The following UBE2F variants were observed in gnomAD, a reference collection of about 807,000 sequenced individuals.
UBE2F encodes NEDD8-conjugating enzyme UBE2F.
In UBE2F, 5 loss-of-function variants were observed where a neutral mutation model predicts 29.6. The observed-to-expected ratio is 0.17, with a 90% confidence interval of 0.09 to 0.36. The LOEUF (loss-of-function observed/expected upper bound fraction) is 0.36. Among genes scored for constraint, UBE2F ranks in the 10% least tolerant of loss-of-function variants. The pLI is 1.00. For synonymous variants in UBE2F, 66 were observed against 81.8 expected, an observed-to-expected ratio of 0.81 and a Z score of 1.04; for missense variants, 141 against 228.5, an observed-to-expected ratio of 0.62 and a Z score of 2.47.
At chr2:238,014,279 A>C (rs763916352) in intron 4 of UBE2F, among the ~76,000 whole-genome samples, 1 of 152,244 alleles carries the variant, frequency 6.6e-6, no homozygotes, top group Non-Finnish European at 1.5e-5. Flanking sequence ...AAACTGTGCA[A>C]CTTCAAAGAG....
chr2:237,988,035 G>C, intron 3 of UBE2F, 43 bp downstream of exon 3: 1 of 1,272,872 alleles, frequency 7.9e-7, no homozygotes, highest in East Asian at 2.6e-5. Context: ...TGAAATAATT[G>C]CATGAAGAAA....
intron 4 of UBE2F, among the ~76,000 whole-genome samples, chr2:237,997,154 G>C (rs566878404): frequency 6.6e-6 from 1 of 152,146 alleles, no homozygotes; most frequent in Non-Finnish European, 1.5e-5. Context: ...TTGAACCCAG[G>C]GGGTGGAGGT....
rs2063404109 is a variant in UBE2F, at chr2:237,982,710, G to A, written c.119-5253G>A. On this transcript the variant is annotated intron_variant, in intron 2 of 9. Coordinates refer to ENST00000272930, the MANE Select transcript of UBE2F (RefSeq NM_080678.3). The surrounding 1 kb of genome is among the most constrained non-coding windows in gnomAD (Gnocchi z 4.1). Reference sequence around the variant, plus strand: ...AATAAAATGTTAGTATTTGCTTTAAGATCAAGTTTAATTATATAGGTAACC... The same window carrying A: ...AATAAAATGTTAGTATTTGCTTTAAAATCAAGTTTAATTATATAGGTAACC... Among the ~76,000 whole-genome samples the A allele has an allele frequency of 6.6e-6, 1 of 152,184 alleles. No individual in the cohort carries two copies. Among genetic ancestry groups the A allele is most frequent in the African/African-American group, 2.4e-5 (1 of 41,452 alleles).
chr2:237,967,383 G>A lies in UBE2F; in HGVS notation c.-17+251G>A, dbSNP rs1395726949. Among the ~76,000 whole-genome samples, 1 of 149,660 alleles carries A rather than the reference G, an allele frequency of 6.7e-6. No individual in the cohort carries two copies. ...CGTCGGCGGCCGGGGCGCTGGCCTC[G>A]CCCGGCAGTGAGTGACCGCGGCGGC... On this transcript the variant is annotated intron_variant, in intron 1 of 9. Coordinates refer to ENST00000272930, the MANE Select transcript of UBE2F (RefSeq NM_080678.3). The surrounding 1 kb of genome is among the most constrained non-coding windows in gnomAD (Gnocchi z 6.3).
chr2:238,007,973 A>G (rs1304918442), intron 4 of UBE2F, among the ~76,000 whole-genome samples: 2 of 151,824 alleles, frequency 1.3e-5, no homozygotes, highest in Non-Finnish European at 2.9e-5. Context: ...ATTTTTTTTT[A>G]GACAAGGTCT....
chr2:237,970,688 A>G (rs1449374343), intron 1 of UBE2F, among the ~76,000 whole-genome samples: 1 of 152,094 alleles, frequency 6.6e-6, no homozygotes, highest in African/African-American at 2.4e-5. Context: ...TATTCTATGT[A>G]TTGTTTTCGT....
chr2:237,974,977 A>T (rs1047404134), intron 2 of UBE2F, among the ~76,000 whole-genome samples: 2 of 143,252 alleles, frequency 1.4e-5, no homozygotes, highest in Non-Finnish European at 3.0e-5. Flanking sequence ...TCACCATGTT[A>T]GCCAGGCTAG....
chr2:238,000,970 T>A (rs2106361853), intron 4 of UBE2F, among the ~76,000 whole-genome samples: 1 of 152,252 alleles, frequency 6.6e-6, no homozygotes, highest in Admixed American at 6.5e-5. Flanking sequence ...CTTCAAATAT[T>A]TTGCCCATTT....
At chr2:238,033,072 A>G (rs1215742353) in intron 8 of UBE2F, among the ~76,000 whole-genome samples, 1 of 152,190 alleles carries the variant, frequency 6.6e-6, no homozygotes, top group Admixed American at 6.5e-5. Flanking sequence ...TGGCTACACT[A>G]GCCAGCCCAG....
intron 2 of UBE2F, 105 bp from the exon 3 acceptor site, chr2:237,987,852 CTTTTTT>C: frequency 1.9e-6 from 1 of 518,972 alleles, no homozygotes; most frequent in Non-Finnish European, 3.4e-6. Flanking sequence ...TCAGTTCATC[CTTTTTT>C]TTTTTTTTTT....
At chr2:237,990,458 A>C (rs144107584) in intron 3 of UBE2F, 1 of 447,042 alleles carries the variant, frequency 2.2e-6, no homozygotes, top group East Asian at 7.2e-5. Flanking sequence ...GTTGGAGTAC[A>C]GTGGCATGAG....
At chr2:238,035,827 A>G (rs377004943) in intron 8 of UBE2F, 51 bp from the exon 9 acceptor site, 21 of 1,472,680 alleles carry the variant, frequency 1.4e-5, no homozygotes, top group Non-Finnish European at 2.0e-5. Context: ...AGACTTTAAC[A>G]GCAGAAAAGC....
intron 1 of UBE2F, among the ~76,000 whole-genome samples, chr2:237,970,285 GGA>G: frequency 6.6e-6 from 1 of 152,196 alleles, no homozygotes; most frequent in Non-Finnish European, 1.5e-5. Flanking sequence ...TGAGGTGGGA[GGA>G]TCTCTTGAAC....
At chr2:237,969,164 C>G (rs2063121712) in intron 1 of UBE2F, among the ~76,000 whole-genome samples, 1 of 152,140 alleles carries the variant, frequency 6.6e-6, no homozygotes, top group African/African-American at 2.4e-5. Context: ...TTATATCTTG[C>G]AAGTCACAGA....
intron 4 of UBE2F, 70 bp downstream of exon 4, chr2:237,994,879 C>G (rs2063659922): frequency 8.5e-6 from 11 of 1,288,336 alleles, no homozygotes; most frequent in Non-Finnish European, 1.2e-5. Context: ...AACCTGTAAT[C>G]TTTGCTTTGG....
intron 4 of UBE2F, among the ~76,000 whole-genome samples, chr2:237,998,232 T>C (rs2063726548): frequency 6.6e-6 from 1 of 152,256 alleles, no homozygotes; most frequent in Non-Finnish European, 1.5e-5. Flanking sequence ...TATACACATA[T>C]GTAACCATAA....
In UBE2F at chr2:238,030,860, C is replaced by T. The variant is rs544123572; in HGVS notation, c.411+247C>T. 1.3e-5 allele frequency among the ~76,000 whole-genome samples: 2 copies of T among 152,202 alleles called. 1 individual carries two copies. The highest frequency in any genetic ancestry group is 1.3e-4 in the Admixed American group (2 of 15,284). On this transcript the variant is annotated intron_variant, in intron 7 of 9. Transcript: ENST00000272930. Reference sequence around the variant, plus strand: ...CCATTCTAGAACCAGAGATAGGAGCCCAAACTGCAGGCTTCACAGCCAAAC... The same window carrying T: ...CCATTCTAGAACCAGAGATAGGAGCTCAAACTGCAGGCTTCACAGCCAAAC...
At chr2:237,975,052 G>A (rs2063251571) in intron 2 of UBE2F, among the ~76,000 whole-genome samples, 1 of 152,064 alleles carries the variant, frequency 6.6e-6, no homozygotes, top group Non-Finnish European at 1.5e-5. Context: ...GATTACAGAC[G>A]TGAGCCACTG....
At chr2:238,034,245 G>A (rs896404810) in intron 8 of UBE2F, among the ~76,000 whole-genome samples, 2 of 151,616 alleles carry the variant, frequency 1.3e-5, no homozygotes, top group Admixed American at 6.6e-5. Context: ...TAGACAATAT[G>A]GTGAAATCTC....
Sources: gnomAD v4.1 joint callset for allele counts (sites outside exome capture counted in the v4.1 genomes callset) on GRCh38, gnomAD v4.1.1 for gene constraint, Gnocchi (gnomAD v3.1) non-coding constraint, MANE v1.5 for transcripts, NCBI Gene and HGNC (gene_info 2026-07-23, HGNC 2026-07-21) for gene names.